RPS6KC1: variants seen among roughly 807,000 people sequenced by gnomAD.
RPS6KC1 encodes the protein inactive ribosomal protein S6 kinase delta-1.
Under a neutral mutation model 103.8 loss-of-function variants are expected in RPS6KC1, and 54 were observed. That is an observed-to-expected ratio of 0.52 (90% CI 0.42 to 0.65). The LOEUF (loss-of-function observed/expected upper bound fraction) is 0.65, where lower values mean the gene tolerates loss of function less well. RPS6KC1 is among the 30% of genes least tolerant of loss of function. The pLI is 0.00. For synonymous variants in RPS6KC1, 439 were observed against 438.7 expected, an observed-to-expected ratio of 1.00 and a Z score of -0.01; for missense variants, 1,151 against 1,253.8, an observed-to-expected ratio of 0.92 and a Z score of 1.24.
intron 8 of RPS6KC1, among the ~76,000 whole-genome samples, chr1:213,197,983 C>T (rs891485544): frequency 1.3e-5 from 2 of 152,148 alleles, no homozygotes; most frequent in East Asian, 1.9e-4. Flanking sequence ...TTGTTCTATT[C>T]CTGATGCTAG....
intron 1 of RPS6KC1, among the ~76,000 whole-genome samples, chr1:213,065,188 G>A (rs914591178): frequency 1.3e-5 from 2 of 151,100 alleles, no homozygotes; most frequent in Non-Finnish European, 2.9e-5. Context: ...TCTTGGCCAG[G>A]CTGGTCTCGA....
chr1:213,112,479 A>G (rs2083119813), intron 4 of RPS6KC1, among the ~76,000 whole-genome samples: 1 of 151,852 alleles, frequency 6.6e-6, no homozygotes. Context: ...TTTAAAAAAT[A>G]TCTCTACTAA....
chr1:213,652,438 C>T, the RPS6KC1 span, among the ~76,000 whole-genome samples: 2 of 152,166 alleles, frequency 1.3e-5, no homozygotes, highest in Admixed American at 1.3e-4. Flanking sequence ...TCCCAGCATC[C>T]ACATTGTTAA....
the RPS6KC1 span, among the ~76,000 whole-genome samples, chr1:213,301,772 G>A: frequency 1.3e-5 from 2 of 149,804 alleles, no homozygotes; most frequent in East Asian, 2.0e-4. Flanking sequence ...TCTCTCTGTC[G>A]CCCAGGCTAC....
chr1:213,693,864 C>T, the RPS6KC1 span, among the ~76,000 whole-genome samples: 2 of 152,096 alleles, frequency 1.3e-5, no homozygotes, highest in African/African-American at 4.8e-5. Context: ...CTATTTGTGC[C>T]CAGTCAATTC....
the RPS6KC1 span, among the ~76,000 whole-genome samples, chr1:213,666,191 G>A: frequency 2.0e-5 from 3 of 152,128 alleles, no homozygotes; most frequent in Non-Finnish European, 2.9e-5. Flanking sequence ...GTGCTCTTAG[G>A]TACTTACTGA....
At chr1:213,654,588 C>T in the RPS6KC1 span, among the ~76,000 whole-genome samples, 2 of 152,216 alleles carry the variant, frequency 1.3e-5, no homozygotes, top group East Asian at 1.9e-4. Flanking sequence ...TCTCAAAACA[C>T]CATGGATTTG....
chr1:213,342,329 G>A, the RPS6KC1 span, among the ~76,000 whole-genome samples: 108 of 152,332 alleles, frequency 7.1e-4, no homozygotes, highest in East Asian at 5.4e-3. Flanking sequence ...TACTGGAGAA[G>A]TTTCATCATC....
At chr1:213,282,920 AT>A in the RPS6KC1 span, among the ~76,000 whole-genome samples, 1 of 152,336 alleles carries the variant, frequency 6.6e-6, no homozygotes, top group Admixed American at 6.5e-5. Flanking sequence ...GGCAAATGAT[AT>A]GCTCTGTGTT....
intron 6 of RPS6KC1, among the ~76,000 whole-genome samples, chr1:213,161,632 A>G (rs1409173282): frequency 1.3e-5 from 2 of 152,194 alleles, no homozygotes; most frequent in East Asian, 3.8e-4. Context: ...CATTCTTTGA[A>G]TCATTTAAAT....
At chr1:213,118,316 A>G (rs938529685) in intron 5 of RPS6KC1, among the ~76,000 whole-genome samples, 31 of 152,032 alleles carry the variant, frequency 2.0e-4, no homozygotes, top group African/African-American at 7.0e-4. Flanking sequence ...GTTACGGAAA[A>G]AAAAAGATTT....
chr1:213,285,260 T>A, the RPS6KC1 span, among the ~76,000 whole-genome samples: 3 of 152,270 alleles, frequency 2.0e-5, no homozygotes, highest in East Asian at 5.8e-4. Context: ...AAAAGGACAC[T>A]AATCCCATTC....
chr1:213,196,578 T>C (rs1271350106), intron 8 of RPS6KC1, among the ~76,000 whole-genome samples: 1 of 152,230 alleles, frequency 6.6e-6, no homozygotes, highest in African/African-American at 2.4e-5. Context: ...TAGAAGAGTT[T>C]TTCTGATGTT....
the RPS6KC1 span, among the ~76,000 whole-genome samples, chr1:213,395,944 C>A: frequency 6.6e-6 from 1 of 152,194 alleles, no homozygotes; most frequent in African/African-American, 2.4e-5. Flanking sequence ...AGGCTCCGAA[C>A]GGAGTCTGGG....
the RPS6KC1 span, among the ~76,000 whole-genome samples, chr1:213,634,994 C>T: frequency 2.2e-4 from 33 of 152,082 alleles, no homozygotes; most frequent in South Asian, 1.0e-3. Context: ...CTATAAAGAC[C>T]TCTATGCAAA....
the RPS6KC1 span, among the ~76,000 whole-genome samples, chr1:213,351,322 G>T: frequency 6.6e-6 from 1 of 152,168 alleles, no homozygotes; most frequent in Non-Finnish European, 1.5e-5. Flanking sequence ...CTATAAAAGC[G>T]CAAAAGGCTT....
chr1:213,637,118 A>G, the RPS6KC1 span, among the ~76,000 whole-genome samples: 3 of 152,188 alleles, frequency 2.0e-5, no homozygotes, highest in East Asian at 5.8e-4. Context: ...GAAACAACAG[A>G]TGCTGGAGGA....
At chr1:213,368,774 C>T in the RPS6KC1 span, among the ~76,000 whole-genome samples, 2 of 152,170 alleles carry the variant, frequency 1.3e-5, no homozygotes, top group Non-Finnish European at 2.9e-5. Flanking sequence ...AGTCTGCGGA[C>T]AGATATGGAG....
chr1:213,786,822 T>C, the RPS6KC1 span, among the ~76,000 whole-genome samples: 59 of 152,266 alleles, frequency 3.9e-4, 1 homozygote, highest in East Asian at 0.011. Flanking sequence ...TCTTCCTCAG[T>C]GATTTGAATT....
Sources: allele counts gnomAD v4.1 joint callset (sites outside exome capture counted in the v4.1 genomes callset), GRCh38; gene constraint gnomAD v4.1.1; transcripts MANE v1.5; gene names NCBI Gene and HGNC (gene_info 2026-07-23, HGNC 2026-07-21).